The following HABP2 variants were observed in gnomAD, a reference collection of about 807,000 sequenced individuals.
HABP2 encodes the protein factor VII-activating protease.
A neutral mutation model predicts 66.5 loss-of-function variants in HABP2; 65 were observed. The observed-to-expected ratio is 0.98, with a 90% confidence interval of 0.80 to 1.20. HABP2 has a LOEUF of 1.20. Among genes scored for constraint, HABP2 ranks in the 50% most tolerant of loss-of-function variants. The pLI is 0.00. For missense variants in HABP2, 786 were observed against 691.0 expected, an observed-to-expected ratio of 1.14 and a Z score of -1.54; for synonymous variants, 263 against 253.9, an observed-to-expected ratio of 1.04 and a Z score of -0.34.
At chr10:113,583,181 C>T (rs1845571663) in intron 9 of HABP2, 35 bp from the exon 10 acceptor site, 2 of 1,606,506 alleles carry the variant, frequency 1.2e-6, no homozygotes, top group South Asian at 2.2e-5. Context: ...TGAGCAGAAA[C>T]AGTGCCTTCC....
chr10:113,577,334 T>C (rs2133772520), intron 5 of HABP2, 68 bp downstream of exon 5: 1 of 842,054 alleles, frequency 1.2e-6, no homozygotes, highest in South Asian at 1.4e-5. Context: ...CCCTTCTGCA[T>C]GGAAGGCCAG....
chr10:113,580,216 A>G (rs1316030318), intron 7 of HABP2, among the ~76,000 whole-genome samples: 1 of 152,054 alleles, frequency 6.6e-6, no homozygotes, highest in Non-Finnish European at 1.5e-5. Context: ...ATTCCCATGC[A>G]TAGAATTCAA....
intron 7 of HABP2, among the ~76,000 whole-genome samples, chr10:113,580,304 A>G (rs1382298000): frequency 3.9e-5 from 6 of 152,314 alleles, no homozygotes; most frequent in Admixed American, 6.5e-5. Context: ...GGTCTTCATC[A>G]GGGATCTCAT....
intron 1 of HABP2, among the ~76,000 whole-genome samples, chr10:113,558,054 C>T (rs1260229729): frequency 6.6e-6 from 1 of 152,202 alleles, no homozygotes; most frequent in Non-Finnish European, 1.5e-5. Context: ...ACAAACAAGA[C>T]CGTTTTGTGT....
intron 2 of HABP2, among the ~76,000 whole-genome samples, chr10:113,573,821 T>A (rs1202226138): frequency 6.6e-6 from 1 of 152,196 alleles, no homozygotes; most frequent in Non-Finnish European, 1.5e-5. Flanking sequence ...TGGTGACTAA[T>A]GAAGTCCCAT....
At chr10:113,577,063 AC>A in intron 4 of HABP2, 86 bp from the exon 5 acceptor site, 1 of 781,108 alleles carries the variant, frequency 1.3e-6, no homozygotes, top group African/African-American at 1.7e-5. Context: ...ACTGTCAGTC[AC>A]CCCACCCTCA....
intron 8 of HABP2, 43 bp downstream of exon 8, chr10:113,580,735 T>TG (rs1845512902): frequency 1.0e-6 from 1 of 965,608 alleles, no homozygotes; most frequent in Non-Finnish European, 1.7e-6. Context: ...GTGGGGGGGA[T>TG]GGAGATTTGT....
At chr10:113,578,243 C>T in intron 6 of HABP2, 98 bp downstream of exon 6, 1 of 1,316,472 alleles carries the variant, frequency 7.6e-7, no homozygotes, top group South Asian at 1.3e-5. Context: ...TCAAGTTTCC[C>T]AAACTCGACT....
rs746466620 is a variant in HABP2 at position 113,577,156 on chromosome 10, A to T, written c.338A>T (p.Asn113Ile). The T allele has an allele frequency of 1.3e-5, 21 of 1,592,874 alleles. No individual in the cohort carries two copies. Among genetic ancestry groups the T allele is most frequent in the Non-Finnish European group, 1.7e-5 (20 of 1,160,806 alleles). Residue 113 changes from asparagine (N) to isoleucine (I), a missense_variant, in exon 5 of 13, where the codon AAT becomes ATT. Coordinates refer to ENST00000351270, the MANE Select transcript of HABP2 (RefSeq NM_004132.5). ...FSGNKCQKVQ[N>I]TCKDNPCGRG... ...TGTTATGGATCTCCTACAGTGCAAA[A>T]TACGTGCAAGGACAACCCATGTGGC...
intron 1 of HABP2, among the ~76,000 whole-genome samples, chr10:113,559,571 G>A (rs903371301): frequency 6.6e-6 from 1 of 152,218 alleles, no homozygotes; most frequent in Non-Finnish European, 1.5e-5. Flanking sequence ...CTGGGCACTG[G>A]AGGAAGATGT....
Position 113,576,779 on chromosome 10 carries a change from A to G in HABP2, c.332-371A>G, listed in dbSNP as rs778088329. The stretch of plus-strand genomic sequence containing the variant: ...TTCAGGATGGTTGAGAATATCGAGT[A>G]TAAACACAGTGTCTGGGCTCACTCC... On this transcript the variant is annotated intron_variant, in intron 4 of 12. Coordinates refer to ENST00000351270, the MANE Select transcript of HABP2 (RefSeq NM_004132.5). Among the ~76,000 whole-genome samples the G allele has an allele frequency of 4.6e-5, 7 of 152,366 alleles. 1 individual carries two copies. The East Asian group carries it at 5.8e-4, about 13-fold the overall frequency.
chr10:113,565,656 G>T (rs752539674), intron 1 of HABP2, among the ~76,000 whole-genome samples: 1 of 152,206 alleles, frequency 6.6e-6, no homozygotes, highest in Non-Finnish European at 1.5e-5. Flanking sequence ...TTCAGCACGA[G>T]GTTTGGAGAG....
chr10:113,554,728 G>A (rs547065249), intron 1 of HABP2, among the ~76,000 whole-genome samples: 9 of 152,310 alleles, frequency 5.9e-5, no homozygotes, highest in African/African-American at 4.8e-5. Context: ...AAGGAGAAAC[G>A]TTGACACGGT....
At position 113,589,089 on chromosome 10, in the gene HABP2, T is replaced by TCAAA. The variant is rs1323210484; in HGVS notation, c.*723_*726dup. On this transcript the variant is annotated 3_prime_UTR_variant, in exon 13 of 13. Transcript: ENST00000351270. ...CTGCTTCTGCCCCCCGCTGCTGAAA[T>TCAAA]CAAACATACCCCAAGTTAAAATGAA... The TCAAA allele has an allele frequency of 3.1e-6, 5 of 1,611,240 alleles. No individual in the cohort carries two copies. The Admixed American group carries it at 5.0e-5, about 16-fold the overall frequency.
chr10:113,573,058 T>C (rs898099530), intron 2 of HABP2, among the ~76,000 whole-genome samples: 7 of 152,056 alleles, frequency 4.6e-5, no homozygotes, highest in African/African-American at 1.7e-4. Flanking sequence ...TCCGTAGGAG[T>C]GCCTTTTCAA....
rs1487413643 is a variant in HABP2 at position 113,575,928 on chromosome 10, T to C, written c.255T>C (p.Gly85=). ...DPCQPNPCEH[G]GDCLVHGSTF... Reference sequence around the variant, plus strand: ...GCCAGCCCAACCCCTGTGAACACGGTGGGGACTGCCTCGTCCATGGGAGCA... The same window carrying C: ...GCCAGCCCAACCCCTGTGAACACGGCGGGGACTGCCTCGTCCATGGGAGCA... The change falls in exon 4 of 13, where the codon GGT becomes GGC. Residue 85 remains glycine (G), a synonymous_variant. Transcript: ENST00000351270. 3.1e-6 allele frequency: 5 copies of C among 1,611,050 alleles called. No homozygotes were observed. The highest frequency in any genetic ancestry group is 1.7e-4 in the Middle Eastern group (1 of 6,058).
At chr10:113,556,061 A>G (rs11575623) in intron 1 of HABP2, among the ~76,000 whole-genome samples, 36,761 of 151,914 alleles carry the variant, frequency 0.24, 5,632 homozygotes, top group East Asian at 0.49. Flanking sequence ...TCTCCCCTGC[A>G]AAGGAGGTGC....
chr10:113,589,041 A>T lies in HABP2; in HGVS notation c.*672A>T, dbSNP rs761279910. ...CAGTGGCATCTGGGTTCACCTCCCC[A>T]CTCTGATGATCTCCAGCCTCCACTG... On this transcript the variant is annotated 3_prime_UTR_variant, in exon 13 of 13. Coordinates refer to ENST00000351270, the MANE Select transcript of HABP2 (RefSeq NM_004132.5). 1 of 1,613,390 alleles carries T rather than the reference A, an allele frequency of 6.2e-7. No homozygotes were observed.
At chr10:113,579,347 G>A (rs991224917) in intron 7 of HABP2, among the ~76,000 whole-genome samples, 4 of 152,180 alleles carry the variant, frequency 2.6e-5, no homozygotes, top group African/African-American at 9.7e-5. Context: ...CAGCTCCACA[G>A]GCTTACTCAA....
Sources: allele counts gnomAD v4.1 joint callset (sites outside exome capture counted in the v4.1 genomes callset), GRCh38; gene constraint gnomAD v4.1.1; transcripts MANE v1.5; gene names NCBI Gene and HGNC (gene_info 2026-07-23, HGNC 2026-07-21).